The following SERAC1 variants were observed in gnomAD, a reference collection of about 807,000 sequenced individuals.
SERAC1 encodes protein SERAC1.
SERAC1 carries 36 observed loss-of-function variants against 85.7 expected under a neutral mutation model. That is an observed-to-expected ratio of 0.42 (90% confidence interval 0.32 to 0.55). The LOEUF is 0.55. Ranked by LOEUF, SERAC1 falls within the 20% of genes least tolerant of loss-of-function variation. The pLI is 0.11. For missense variants in SERAC1, 629 were observed against 796.2 expected (o/e 0.79, Z 2.53); for synonymous variants, 242 against 265.3 (o/e 0.91, Z 0.85).
At chr6:158,148,740 G>T in intron 5 of SERAC1, 125 bp downstream of exon 5, 1 of 696,486 alleles carries the variant, frequency 1.4e-6, no homozygotes, top group Non-Finnish European at 2.3e-6. Context: ...ACCATACCTG[G>T]CCTGATTAAT....
chr6:158,167,160 T>C (rs977979201), intron 1 of SERAC1, among the ~76,000 whole-genome samples: 1 of 133,286 alleles, frequency 7.5e-6, no homozygotes, highest in Non-Finnish European at 1.6e-5. Context: ...ATTTGAGGGA[T>C]AGAAAGAGGG....
chr6:158,120,507 T>A lies in SERAC1; in HGVS notation c.1084A>T (p.Ile362Phe), dbSNP rs537530231. ...GTTTCTCGGTCTAGATTTGCCAGGA[T>A]TCTGGCAGCGTGTGAGGACTCCATA... Reference protein sequence around the residue: ...HIMESSHAARILANLDRETVQ... With the variant: ...HIMESSHAARFLANLDRETVQ... Residue 362 changes from isoleucine to phenylalanine, a missense_variant, in exon 11 of 17, where the codon ATC (isoleucine) becomes TTC (phenylalanine). By Grantham distance (21) the Ile-to-Phe change is conservative. Transcript: ENST00000647468. This position sits in a 1 kb window ranked among gnomAD's most constrained non-coding sequence, Gnocchi z 4.4. The A allele has an allele frequency of 1.2e-4, 198 of 1,613,996 alleles. No homozygotes were observed. Among genetic ancestry groups the A allele is most frequent in the Non-Finnish European group, 1.6e-4 (189 of 1,180,012 alleles).
chr6:158,152,604 CA>C lies in SERAC1; in HGVS notation c.129-2016del, dbSNP rs1785233600. Among the ~76,000 whole-genome samples, 2 of 152,158 alleles carry C rather than the reference CA, an allele frequency of 1.3e-5. 1 individual carries two copies. The highest frequency in any genetic ancestry group is 4.1e-4 in the South Asian group (2 of 4,828). ...CAGTAATGTCCTAGGCCCTCACTCT[CA>C]CTCACCCAGAGCAACTCCAGGTCCT... On this transcript the variant is annotated intron_variant, in intron 3 of 16. Transcript: ENST00000647468.
rs941224540 is a variant in SERAC1 at position 158,122,128 on chromosome 6, T to C, written c.1016-1553A>G. ...CATTGTGTTACAACTGTCTACAGTGTTCAGTACAGTAACCTGCTGTATAGG... is the reference window on the plus strand; with the variant it reads ...CATTGTGTTACAACTGTCTACAGTGCTCAGTACAGTAACCTGCTGTATAGG... On this transcript the variant is annotated intron_variant, in intron 10 of 16. Transcript: ENST00000647468. 2.6e-5 allele frequency among the ~76,000 whole-genome samples: 4 copies of C among 152,350 alleles called. 1 individual carries two copies. The highest frequency in any genetic ancestry group is 7.2e-5 in the African/African-American group (3 of 41,574).
rs1784279492 is a variant in SERAC1 at position 158,116,044 on chromosome 6, A to C, written c.1501+141T>G. On this transcript the variant is annotated intron_variant, in intron 14 of 16. Coordinates refer to ENST00000647468, the MANE Select transcript of SERAC1 (RefSeq NM_032861.4). ...AGTAGTAATTTTAAAAGTCCTAGCC[A>C]TAGCTACACAGATTAATTTAGCAGG... 4.6e-6 allele frequency: 3 copies of C among 656,850 alleles called. No homozygotes were observed. In the Admixed American group the frequency reaches 8.4e-5, roughly 18 times the overall value. 40.7% of individuals were successfully genotyped at this position (656,850 alleles called of 1,614,324 possible). A position where few individuals can be genotyped will look rare whatever the true frequency, so the allele number is the denominator to read the frequency against.
chr6:158,148,980 A>T, intron 4 of SERAC1, 26 bp from the exon 5 acceptor site: 1 of 1,534,632 alleles, frequency 6.5e-7, no homozygotes, highest in Non-Finnish European at 8.8e-7. Flanking sequence ...AATTAAGTAA[A>T]ACCAAGAATG....
chr6:158,147,604 CAAA>C (rs11287217), intron 5 of SERAC1, among the ~76,000 whole-genome samples: 3 of 124,150 alleles, frequency 2.4e-5, no homozygotes, highest in African/African-American at 6.2e-5. Context: ...ACTAAAAATA[CAAA>C]AAAAAAAAAA....
chr6:158,164,214 G>A (rs912227825), intron 1 of SERAC1, among the ~76,000 whole-genome samples: 7 of 151,330 alleles, frequency 4.6e-5, no homozygotes, highest in African/African-American at 7.3e-5. Context: ...GGTGGCTCAC[G>A]CCTGTAATCC....
At chr6:158,126,849 G>A (rs1035266148) in intron 10 of SERAC1, among the ~76,000 whole-genome samples, 4 of 152,032 alleles carry the variant, frequency 2.6e-5, no homozygotes, top group African/African-American at 7.3e-5. Context: ...CCAGGAGTTC[G>A]AGACCAACCT....
intron 12 of SERAC1, 75 bp downstream of exon 12, chr6:158,118,954 A>G: frequency 6.5e-7 from 1 of 1,532,930 alleles, no homozygotes; most frequent in South Asian, 1.3e-5. Flanking sequence ...ACAAAGAGAA[A>G]AACAAGCAAG....
rs1008710497 is a variant in SERAC1 at position 158,109,686 on chromosome 6, A to G, written c.*1680T>C. 3 of 152,242 alleles carry G rather than the reference A, an allele frequency of 2.0e-5. No homozygotes were observed. Among genetic ancestry groups the G allele is most frequent in the African/African-American group, 7.2e-5 (3 of 41,470 alleles). The allele number at this position is 152,242 out of a possible 1,614,324, so 9.4% of individuals were successfully genotyped here. A position where few individuals can be genotyped will look rare whatever the true frequency, so the allele number is the denominator to read the frequency against. The stretch of plus-strand genomic sequence containing the variant: ...GAGAATCAAAAACATCTATCCACAC[A>G]TAAATTTGTACACAAATGATCATGG... On this transcript the variant is annotated 3_prime_UTR_variant, in exon 17 of 17. Transcript: ENST00000647468.
At chr6:158,160,811 ATCCTC>A (rs1268238628) in intron 1 of SERAC1, 5 of 151,758 alleles carry the variant, frequency 3.3e-5, no homozygotes, top group African/African-American at 1.2e-4. Context: ...TTTAAATACG[ATCCTC>A]TCCTATCTTG....
At chr6:158,125,200 G>A (rs1784512152) in intron 10 of SERAC1, among the ~76,000 whole-genome samples, 1 of 152,122 alleles carries the variant, frequency 6.6e-6, no homozygotes. Flanking sequence ...TGTTTGAAGT[G>A]ATTGCTATCC....
At chr6:158,165,406 C>T (rs985527931) in intron 1 of SERAC1, among the ~76,000 whole-genome samples, 66 of 152,258 alleles carry the variant, frequency 4.3e-4, no homozygotes, top group African/African-American at 1.5e-3. Flanking sequence ...CCACCCGCCT[C>T]GGCCTACCAA....
chr6:158,121,249 T>C (rs1286383092), intron 10 of SERAC1, among the ~76,000 whole-genome samples: 1 of 152,146 alleles, frequency 6.6e-6, no homozygotes, highest in Non-Finnish European at 1.5e-5. Context: ...CGTTACCTTT[T>C]AGGAGAGAGA....
Position 158,120,193 on chromosome 6 carries a change from C to T in SERAC1, c.1166+232G>A, listed in dbSNP as rs1784386150. Among the ~76,000 whole-genome samples, 1 of 152,174 alleles carries T rather than the reference C, an allele frequency of 6.6e-6. No individual in the cohort carries two copies. The highest frequency in any genetic ancestry group is 2.1e-4 in the South Asian group (1 of 4,828). On this transcript the variant is annotated intron_variant, in intron 11 of 16. Transcript: ENST00000647468. This position sits in a 1 kb window ranked among gnomAD's most constrained non-coding sequence, Gnocchi z 4.4. ...ATTATCAAATGTGAATGCCACCTAACTGAAGGGAAGCCCTTTGTAAAATAA... is the reference window on the plus strand; with the variant it reads ...ATTATCAAATGTGAATGCCACCTAATTGAAGGGAAGCCCTTTGTAAAATAA...
At chr6:158,154,014 A>C (rs1785266576) in intron 3 of SERAC1, among the ~76,000 whole-genome samples, 1 of 151,598 alleles carries the variant, frequency 6.6e-6, no homozygotes, top group Admixed American at 6.6e-5. Context: ...TAATAATAAC[A>C]GCCAGGTGTG....
At chr6:158,115,044 G>T in intron 14 of SERAC1, 73 bp from the exon 15 acceptor site, 1 of 1,450,958 alleles carries the variant, frequency 6.9e-7, no homozygotes, top group Non-Finnish European at 9.3e-7. Flanking sequence ...AAAAAGAAAA[G>T]GCCAAACAAG....
intron 5 of SERAC1, among the ~76,000 whole-genome samples, chr6:158,147,256 A>G (rs1274645046): frequency 1.3e-5 from 2 of 151,264 alleles, no homozygotes; most frequent in African/African-American, 4.9e-5. Context: ...CTCCCACCTC[A>G]GCCTCCTGAG....
Sources: gnomAD v4.1 joint callset for allele counts (sites outside exome capture counted in the v4.1 genomes callset) on GRCh38, gnomAD v4.1.1 for gene constraint, Gnocchi (gnomAD v3.1) non-coding constraint, MANE v1.5 for transcripts, NCBI Gene and HGNC (gene_info 2026-07-23, HGNC 2026-07-21) for gene names.